TPTE2: variants seen among roughly 807,000 people sequenced by gnomAD.
The protein encoded by TPTE2 is phosphatidylinositol 3,4,5-trisphosphate 3-phosphatase TPTE2.
Under a neutral mutation model 78.6 loss-of-function variants are expected in TPTE2, and 53 were observed. The ratio of observed to expected loss-of-function variants is 0.67; its 90% CI spans 0.54 to 0.85. TPTE2 has a LOEUF of 0.85. Ranked by LOEUF, TPTE2 falls within the 40% of genes least tolerant of loss-of-function variation. The pLI, the probability that TPTE2 is intolerant of heterozygous loss-of-function variation, is 0.00. For missense variants in TPTE2, 461 were observed against 623.0 expected, an observed-to-expected ratio of 0.74 and a Z score of 2.77; for synonymous variants, 175 against 206.2, an observed-to-expected ratio of 0.85 and a Z score of 1.30.
intron 13 of TPTE2, among the ~76,000 whole-genome samples, chr13:19,447,270 AC>A (rs1315035284): frequency 7.9e-5 from 12 of 152,030 alleles, no homozygotes; most frequent in Non-Finnish European, 1.8e-4. Context: ...AATAATGTAA[AC>A]CCCCTCTCAG....
intron 13 of TPTE2, among the ~76,000 whole-genome samples, chr13:19,446,936 A>G (rs1404962990): frequency 2.0e-5 from 3 of 152,146 alleles, no homozygotes; most frequent in African/African-American, 7.2e-5. Context: ...GAGCGAGATC[A>G]TGTCTCAAAA....
chr13:19,452,195 T>C (rs1878228916), intron 10 of TPTE2, among the ~76,000 whole-genome samples: 1 of 152,116 alleles, frequency 6.6e-6, no homozygotes, highest in South Asian at 2.1e-4. Flanking sequence ...TACTTCAGAA[T>C]TCATGGAATT....
intron 6 of TPTE2, among the ~76,000 whole-genome samples, chr13:19,470,412 T>C (rs1012715094): frequency 6.6e-6 from 1 of 152,248 alleles, no homozygotes; most frequent in Admixed American, 6.5e-5. Context: ...TCCCATATAT[T>C]GTTGAATTCA....
chr13:19,456,099 G>T (rs184851072), intron 10 of TPTE2, among the ~76,000 whole-genome samples: 1 of 152,222 alleles, frequency 6.6e-6, no homozygotes, highest in African/African-American at 2.4e-5. Flanking sequence ...TTATATGATT[G>T]CATACATTTT....
chr13:19,505,577 T>A (rs189349496), upstream of TPTE2, among the ~76,000 whole-genome samples: 7 of 152,230 alleles, frequency 4.6e-5, no homozygotes, highest in African/African-American at 1.7e-4. Flanking sequence ...CCAGAAGATA[T>A]GACCATGTAG....
At chr13:19,541,959 G>T in the TPTE2 span, among the ~76,000 whole-genome samples, 1 of 151,984 alleles carries the variant, frequency 6.6e-6, no homozygotes, top group South Asian at 2.1e-4. Context: ...TGAGTTTAGG[G>T]TTTGTTTTCT....
intron 13 of TPTE2, among the ~76,000 whole-genome samples, chr13:19,444,025 A>G (rs1877666727): frequency 6.6e-6 from 1 of 152,112 alleles, no homozygotes. Context: ...TAGGCTGGGC[A>G]CGGTGGCTCA....
intron 1 of TPTE2, among the ~76,000 whole-genome samples, chr13:19,522,277 G>C (rs567223233): frequency 2.6e-5 from 4 of 152,324 alleles, no homozygotes; most frequent in South Asian, 2.1e-4. Context: ...GGATATGCCA[G>C]AGAGAAGCCA....
chr13:19,536,533 C>G (rs1871220340), intron 1 of TPTE2: 1 of 152,108 alleles, frequency 6.6e-6, no homozygotes, highest in South Asian at 2.1e-4. Context: ...AAAGTATATT[C>G]AAAATTTGGC....
At chr13:19,430,487 G>A (rs1876489133) in exon 17 of TPTE2, 1 of 1,610,462 alleles carries the variant, frequency 6.2e-7, no homozygotes, top group African/African-American at 1.3e-5. Context: ...TCCTAATGAA[G>A]TACTGGAAAA....
At chr13:19,435,950 C>G (rs1877052329) in intron 15 of TPTE2, among the ~76,000 whole-genome samples, 1 of 152,038 alleles carries the variant, frequency 6.6e-6, no homozygotes, top group Non-Finnish European at 1.5e-5. Context: ...CTGGACCTTC[C>G]TACTTTGGGA....
At chr13:19,520,887 T>C (rs1367373354) in intron 1 of TPTE2, among the ~76,000 whole-genome samples, 1 of 152,098 alleles carries the variant, frequency 6.6e-6, no homozygotes. Context: ...TTCATTTCCA[T>C]ATATTGGTGA....
At chr13:19,533,782 C>A (rs1418483360) in intron 1 of TPTE2, among the ~76,000 whole-genome samples, 1 of 152,100 alleles carries the variant, frequency 6.6e-6, no homozygotes, top group Non-Finnish European at 1.5e-5. Flanking sequence ...CAGAAAAAAG[C>A]ACAGAAAAAT....
intron 1 of TPTE2, among the ~76,000 whole-genome samples, chr13:19,497,301 G>T: frequency 7.1e-6 from 1 of 140,520 alleles, no homozygotes; most frequent in Non-Finnish European, 1.6e-5. Context: ...GCCCACCACA[G>T]CTCAAGGAGG....
chr13:19,544,061 A>AAAAAAAG, the TPTE2 span, among the ~76,000 whole-genome samples: 2 of 41,014 alleles, frequency 4.9e-5, no homozygotes, highest in East Asian at 1.1e-3. Context: ...AACCTGTCTC[A>AAAAAAAG]AAAAAAAAAA....
At chr13:19,472,693 A>G (rs1566055273) in intron 6 of TPTE2, among the ~76,000 whole-genome samples, 1 of 152,122 alleles carries the variant, frequency 6.6e-6, no homozygotes, top group Non-Finnish European at 1.5e-5. Flanking sequence ...TGGTGAGGTC[A>G]TGTTTTCCTG....
upstream of TPTE2, among the ~76,000 whole-genome samples, chr13:19,507,904 T>G (rs1207522828): frequency 6.6e-6 from 1 of 152,182 alleles, no homozygotes; most frequent in Non-Finnish European, 1.5e-5. Flanking sequence ...TCAGAACTTG[T>G]TCTCGTTCTA....
chr13:19,437,158 T>C (rs1161328105), intron 14 of TPTE2, among the ~76,000 whole-genome samples: 20 of 152,180 alleles, frequency 1.3e-4, no homozygotes, highest in Non-Finnish European at 2.2e-4. Flanking sequence ...AACTTTATTT[T>C]AAAACTCACT....
At chr13:19,456,765 G>T (rs899894249) in intron 10 of TPTE2, among the ~76,000 whole-genome samples, 5 of 152,036 alleles carry the variant, frequency 3.3e-5, no homozygotes, top group African/African-American at 1.2e-4. Context: ...ATACTAACAA[G>T]GTGTGGGGGT....
Sources: allele counts gnomAD v4.1 joint callset (sites outside exome capture counted in the v4.1 genomes callset), GRCh38; gene constraint gnomAD v4.1.1; transcripts MANE v1.5; gene names NCBI Gene and HGNC (gene_info 2026-07-23, HGNC 2026-07-21).